APOL3: variants seen among roughly 807,000 people sequenced by gnomAD.
The protein encoded by APOL3 is apolipoprotein L3.
APOL3 carries 14 observed loss-of-function variants against 11.6 expected under a neutral mutation model. The observed-to-expected ratio is 1.21, with a 90% CI of 0.80 to 1.89. APOL3 has a LOEUF of 1.89. Ranked by LOEUF, APOL3 falls within the 40% of genes most tolerant of loss-of-function variation. The pLI is 0.00. For synonymous variants in APOL3, 192 were observed against 190.6 expected (o/e 1.01, Z -0.06); for missense variants, 483 against 492.1 (o/e 0.98, Z 0.17).
intron 1 of APOL3, among the ~76,000 whole-genome samples, chr22:36,152,969 G>A (rs1029907620): frequency 6.6e-6 from 1 of 152,000 alleles, no homozygotes; most frequent in Non-Finnish European, 1.5e-5. Flanking sequence ...AAATTAGCCG[G>A]GCATGGTGGT....
At chr22:36,149,815 C>G (rs965842145) in intron 1 of APOL3, 9 of 455,992 alleles carry the variant, frequency 2.0e-5, no homozygotes, top group Non-Finnish European at 3.1e-5. Context: ...GTGTCTTGCA[C>G]TCTATGCCCA....
chr22:36,149,565 T>C (rs931289242), intron 1 of APOL3, among the ~76,000 whole-genome samples: 1 of 152,200 alleles, frequency 6.6e-6, no homozygotes, highest in Non-Finnish European at 1.5e-5. Flanking sequence ...GGGCTCCTCA[T>C]ATGTGCCTCA....
chr22:36,160,667 A>G lies in APOL3; in HGVS notation c.223+2T>C. 1 of 1,613,986 alleles carries G rather than the reference A, an allele frequency of 6.2e-7. No individual in the cohort carries two copies. Among genetic ancestry groups the G allele is most frequent in the Non-Finnish European group, 8.5e-7 (1 of 1,179,994 alleles). On this transcript the variant is annotated splice_donor_variant, in intron 1 of 2. Coordinates refer to ENST00000349314, the Ensembl canonical transcript of APOL3. LOFTEE classifies it high-confidence loss of function. ...GGGAAGGTCAGACCACCCCTAACTT[A>G]CCAAGGAAGCTTCTCTTGAAAGAGT...
At chr22:36,161,443 A>G (rs1161200245), upstream of APOL3, 2 of 170,688 alleles carry the variant, frequency 1.2e-5, no homozygotes, top group African/African-American at 2.4e-5. Context: ...CTGCCTCAGC[A>G]TGAGCCACCG....
At chr22:36,158,065 A>C (rs2013186477) in intron 1 of APOL3, among the ~76,000 whole-genome samples, 1 of 152,168 alleles carries the variant, frequency 6.6e-6, no homozygotes, top group Non-Finnish European at 1.5e-5. Context: ...TAAATAAATA[A>C]ATAAATAAAA....
chr22:36,158,923 C>T (rs922316667), intron 1 of APOL3, among the ~76,000 whole-genome samples: 1 of 152,070 alleles, frequency 6.6e-6, no homozygotes, highest in African/African-American at 2.4e-5. Flanking sequence ...GTGAGAAACA[C>T]AGGGCTCCAT....
exon 3 of APOL3, chr22:36,141,176 C>G: frequency 1.2e-6 from 2 of 1,601,292 alleles, no homozygotes; most frequent in African/African-American, 2.7e-5. Flanking sequence ...GCTCACCTCC[C>G]CTGCTGGCTG....
At chr22:36,163,971 G>T (rs1224564604), upstream of APOL3, among the ~76,000 whole-genome samples, 1 of 152,164 alleles carries the variant, frequency 6.6e-6, no homozygotes, top group African/African-American at 2.4e-5. Flanking sequence ...GATTGTTATA[G>T]TTATTCTCAT....
chr22:36,158,851 A>T (rs1273314329), intron 1 of APOL3, among the ~76,000 whole-genome samples: 2 of 152,230 alleles, frequency 1.3e-5, no homozygotes, highest in African/African-American at 4.8e-5. Flanking sequence ...GCCTCCCTTA[A>T]AGAAATGAGG....
At chr22:36,164,990 C>G (rs2013822128), upstream of APOL3, 1 of 152,110 alleles carries the variant, frequency 6.6e-6, no homozygotes, top group African/African-American at 2.4e-5. Context: ...CTTAACATGA[C>G]AAATCACATT....
At chr22:36,142,485 T>C (rs947933649) in intron 2 of APOL3, among the ~76,000 whole-genome samples, 3 of 151,904 alleles carry the variant, frequency 2.0e-5, no homozygotes, top group Admixed American at 6.6e-5. Flanking sequence ...AGAAGAGAGG[T>C]CGTTCTTTTG....
chr22:36,153,490 T>A, intron 1 of APOL3: 1 of 444,010 alleles, frequency 2.3e-6, no homozygotes, highest in South Asian at 1.6e-5. Context: ...ATAATCAGAG[T>A]GAACTCCTAT....
intron 1 of APOL3, among the ~76,000 whole-genome samples, chr22:36,151,364 G>A (rs936681373): frequency 4.6e-5 from 7 of 152,064 alleles, no homozygotes; most frequent in African/African-American, 1.4e-4. Context: ...GGATGATTGC[G>A]AAAATAGAAA....
chr22:36,162,345 A>T (rs1255103728), upstream of APOL3, among the ~76,000 whole-genome samples: 2 of 152,236 alleles, frequency 1.3e-5, no homozygotes, highest in African/African-American at 4.8e-5. Flanking sequence ...GCACATGCCC[A>T]GTAACATGAA....
intron 1 of APOL3, chr22:36,155,753 G>T: frequency 6.3e-6 from 1 of 158,968 alleles, no homozygotes; most frequent in South Asian, 1.8e-4. Context: ...GCTACACCCA[G>T]GGTCTCGTCC....
chr22:36,149,728 G>T (rs1320598730), intron 1 of APOL3: 2 of 404,162 alleles, frequency 4.9e-6, no homozygotes, highest in South Asian at 1.8e-5. Context: ...CCATGACTGG[G>T]CTCCACTCCC....
intron 1 of APOL3, among the ~76,000 whole-genome samples, chr22:36,156,515 C>T (rs554110101): frequency 2.0e-5 from 3 of 152,334 alleles, no homozygotes; most frequent in Admixed American, 1.3e-4. Context: ...GGTCCAGGTA[C>T]ACACTGACGC....
At chr22:36,141,524 G>C (rs2059988155) in exon 3 of APOL3, 1 of 1,614,210 alleles carries the variant, frequency 6.2e-7, no homozygotes, top group Non-Finnish European at 8.5e-7. Flanking sequence ...TGATGGCACG[G>C]ATTTCACTCC....
chr22:36,146,431 G>A (rs2060222815), intron 1 of APOL3: 1 of 152,040 alleles, frequency 6.6e-6, no homozygotes, highest in Non-Finnish European at 1.5e-5. Flanking sequence ...CCATCAGTGG[G>A]TTATGAAAAT....
Sources: gnomAD v4.1 joint callset for allele counts (sites outside exome capture counted in the v4.1 genomes callset) on GRCh38, gnomAD v4.1.1 for gene constraint, MANE v1.5 for transcripts, NCBI Gene and HGNC (gene_info 2026-07-23, HGNC 2026-07-21) for gene names.